MACROD2: variants seen among roughly 807,000 people sequenced by gnomAD.
The protein encoded by MACROD2 is mono-ADP ribosylhydrolase 2.
In MACROD2, 36 loss-of-function variants were observed where a neutral mutation model predicts 70.4. That is an observed-to-expected ratio of 0.51 (90% CI 0.39 to 0.68). The LOEUF (loss-of-function observed/expected upper bound fraction) is 0.68. Among genes scored for constraint, MACROD2 ranks in the 30% least tolerant of loss-of-function variants. The pLI, the probability that MACROD2 is intolerant of heterozygous loss-of-function variation, is 0.00. For missense variants in MACROD2, 496 were observed against 538.4 expected (o/e 0.92, Z 0.78); for synonymous variants, 172 against 178.8 (o/e 0.96, Z 0.30).
chr20:14,804,861 G>T (rs2072619920), intron 5 of MACROD2, among the ~76,000 whole-genome samples: 1 of 151,244 alleles, frequency 6.6e-6, no homozygotes, highest in South Asian at 2.1e-4. Flanking sequence ...GTCCAGGTGT[G>T]TGTGTGTGTG....
chr20:15,403,342 G>A (rs1274088125), intron 6 of MACROD2, among the ~76,000 whole-genome samples: 2 of 152,140 alleles, frequency 1.3e-5, no homozygotes, highest in Admixed American at 1.3e-4. Context: ...CTATAATTCA[G>A]TTTTAATATA....
At chr20:14,386,541 C>T (rs763885747) in intron 3 of MACROD2, among the ~76,000 whole-genome samples, 18 of 152,058 alleles carry the variant, frequency 1.2e-4, no homozygotes, top group Non-Finnish European at 1.9e-4. Flanking sequence ...ACCCTCGCTG[C>T]TCTGAATTCA....
intron 6 of MACROD2, among the ~76,000 whole-genome samples, chr20:15,288,867 G>GTCTATCTATCTATCTATCTATCTA (rs3070384): frequency 6.8e-6 from 1 of 146,852 alleles, no homozygotes. Context: ...CTGTCTGTCT[G>GTCTATCTATCTATCTATCTATCTA]TCTATCTATC....
intron 8 of MACROD2, among the ~76,000 whole-genome samples, chr20:15,559,302 C>T (rs1390374828): frequency 7.0e-6 from 1 of 141,978 alleles, no homozygotes; most frequent in African/African-American, 2.6e-5. Context: ...GAGCCTAGAA[C>T]AATTAGATAA....
chr20:15,459,349 G>T (rs2046776987), intron 7 of MACROD2, among the ~76,000 whole-genome samples: 1 of 152,056 alleles, frequency 6.6e-6, no homozygotes, highest in African/African-American at 2.4e-5. Context: ...CTCATTTGGT[G>T]TTAGGATGTA....
chr20:14,317,995 AT>A (rs1462418843), intron 3 of MACROD2, among the ~76,000 whole-genome samples: 1 of 152,186 alleles, frequency 6.6e-6, no homozygotes, highest in African/African-American at 2.4e-5. Context: ...TATAGAACAT[AT>A]TTTAGAAAGA....
At chr20:15,432,871 G>T (rs1169168688) in intron 7 of MACROD2, among the ~76,000 whole-genome samples, 1 of 151,910 alleles carries the variant, frequency 6.6e-6, no homozygotes, top group Non-Finnish European at 1.5e-5. Flanking sequence ...AATATATATG[G>T]TATACTATAA....
intron 5 of MACROD2, among the ~76,000 whole-genome samples, chr20:15,112,202 T>C (rs1223285440): frequency 6.6e-6 from 1 of 152,182 alleles, no homozygotes; most frequent in Non-Finnish European, 1.5e-5. Flanking sequence ...TGACAAAATA[T>C]ATCTTCTTAA....
intron 5 of MACROD2, among the ~76,000 whole-genome samples, chr20:14,988,540 A>G (rs2074870973): frequency 6.6e-6 from 1 of 152,158 alleles, no homozygotes; most frequent in Non-Finnish European, 1.5e-5. Context: ...GTTTCTTCAG[A>G]AACTCCTGGA....
At chr20:15,484,471 A>G (rs1282465102) in intron 7 of MACROD2, among the ~76,000 whole-genome samples, 2 of 152,078 alleles carry the variant, frequency 1.3e-5, no homozygotes, top group African/African-American at 4.8e-5. Flanking sequence ...GGAATTAGGC[A>G]TTTCCTTTCT....
In MACROD2 at chr20:15,836,981, T is replaced by C. The variant is rs1357429691; in HGVS notation, c.646-25764T>C. ...TTGGATGTCTTCTTGAATCAGAGCA[T>C]TAAAGGGACTTAGCTGGAGTTCAAT... On this transcript the variant is annotated intron_variant, in intron 8 of 17. Coordinates refer to ENST00000684519, the MANE Select transcript of MACROD2 (RefSeq NM_001351661.2). Among the ~76,000 whole-genome samples, 4 of 152,176 alleles carry C rather than the reference T, an allele frequency of 2.6e-5. No individual in the cohort carries two copies. In the East Asian group the frequency reaches 5.8e-4, roughly 22 times the overall value.
chr20:15,985,402 A>G (rs976778706), intron 13 of MACROD2, among the ~76,000 whole-genome samples: 1 of 152,206 alleles, frequency 6.6e-6, no homozygotes, highest in African/African-American at 2.4e-5. Flanking sequence ...ATTCAAGTCA[A>G]GTCAAAACCA....
intron 5 of MACROD2, among the ~76,000 whole-genome samples, chr20:14,934,399 A>C (rs2074322444): frequency 6.6e-6 from 1 of 152,158 alleles, no homozygotes; most frequent in Non-Finnish European, 1.5e-5. Flanking sequence ...TGAAGCTGTA[A>C]TCCTACGCAC....
intron 5 of MACROD2, among the ~76,000 whole-genome samples, chr20:14,935,716 C>A (rs1301724533): frequency 6.6e-6 from 1 of 152,136 alleles, no homozygotes; most frequent in African/African-American, 2.4e-5. Flanking sequence ...CTCTCACTAC[C>A]ACAGTGAACT....
intron 5 of MACROD2, among the ~76,000 whole-genome samples, chr20:15,229,574 G>A (rs1483914213): frequency 1.3e-5 from 2 of 152,090 alleles, no homozygotes; most frequent in East Asian, 3.9e-4. Context: ...TCCTTTTGCA[G>A]GCAATTACTC....
rs150291371 is a variant in MACROD2 at position 14,601,204 on chromosome 20, G to T, written c.302-83639G>T. Among the ~76,000 whole-genome samples the T allele has an allele frequency of 5.1e-3, 781 of 152,274 alleles. 9 individuals carry two copies. The highest frequency in any genetic ancestry group is 0.018 in the African/African-American group (731 of 41,554). ...AGTGGTCCCCAACCTTCTGGCACCC[G>T]GGACCGGTTTTGTGGAAGACAATTT... is the stretch of plus-strand genomic sequence containing the variant. On this transcript the variant is annotated intron_variant, in intron 4 of 17. Coordinates refer to ENST00000684519, the MANE Select transcript of MACROD2 (RefSeq NM_001351661.2).
intron 4 of MACROD2, among the ~76,000 whole-genome samples, chr20:14,678,351 CAGGAATAAAACCAA>C (rs2070887916): frequency 6.6e-6 from 1 of 152,122 alleles, no homozygotes; most frequent in South Asian, 2.1e-4. Context: ...TCATGTAGCC[CAGGAATAAAACCAA>C]ATGGGCTTTG....
At chr20:14,087,986 T>A (rs1014347430) in intron 3 of MACROD2, among the ~76,000 whole-genome samples, 1 of 152,136 alleles carries the variant, frequency 6.6e-6, no homozygotes, top group Non-Finnish European at 1.5e-5. Flanking sequence ...TGTGATCTTT[T>A]ATATATACAC....
chr20:15,696,110 T>C (rs2050365728), intron 8 of MACROD2, among the ~76,000 whole-genome samples: 1 of 152,182 alleles, frequency 6.6e-6, no homozygotes, highest in Non-Finnish European at 1.5e-5. Flanking sequence ...TGGGCATCCT[T>C]GTCTTGTTCC....
Sources: gnomAD v4.1 joint callset for allele counts (sites outside exome capture counted in the v4.1 genomes callset) on GRCh38, gnomAD v4.1.1 for gene constraint, MANE v1.5 for transcripts, NCBI Gene and HGNC (gene_info 2026-07-23, HGNC 2026-07-21) for gene names.